KIAA1210: variants seen among roughly 807,000 people sequenced by gnomAD.
KIAA1210 encodes acrosomal protein KIAA1210.
Under a neutral mutation model 78.9 loss-of-function variants are expected in KIAA1210, and 48 were observed. The observed-to-expected ratio is 0.61, with a 90% CI of 0.48 to 0.77. KIAA1210 has a LOEUF of 0.77. Among genes scored for constraint, KIAA1210 ranks in the 30% least tolerant of loss-of-function variants. KIAA1210 has a pLI of 0.00. For synonymous variants in KIAA1210, 406 were observed against 404.5 expected, an observed-to-expected ratio of 1.00 and a Z score of -0.04; for missense variants, 1,108 against 1,100.0, an observed-to-expected ratio of 1.01 and a Z score of -0.10.
Position 119,089,034 on chromosome X carries a change from C to T in KIAA1210, c.1668G>A (p.Lys556=). 2 of 1,211,784 alleles carry T rather than the reference C, an allele frequency of 1.7e-6. No individual in the cohort carries two copies. The highest frequency in any genetic ancestry group is 2.2e-6 in the Non-Finnish European group (2 of 895,327). Residue 556 remains lysine, a synonymous_variant, in exon 9 of 12, where the codon AAG becomes AAA. Transcript: ENST00000691062. The stretch of plus-strand genomic sequence containing the variant: ...AGGTCTGGTGAACATTTCCAGAAGG[C>T]TTTTCTTTGCAGATAGTTTGAACAT... ...AQDVQTICKE[K]PSGNVHQTFT... is the part of the protein sequence containing the mutation.
intron 3 of KIAA1210, among the ~76,000 whole-genome samples, chrX:119,109,848 CATCCT>C (rs1173768519): frequency 2.7e-5 from 3 of 111,797 alleles, no homozygotes; most frequent in Admixed American, 9.5e-5. Flanking sequence ...TTTTCAAAGT[CATCCT>C]ATGTACCACC....
At chrX:119,146,742 C>T (rs1188106413) in intron 2 of KIAA1210, among the ~76,000 whole-genome samples, 1 of 111,295 alleles carries the variant, frequency 9.0e-6, no homozygotes, top group Non-Finnish European at 1.9e-5. Context: ...TACACTGGTA[C>T]CTGCCACTCC....
rs865831197 is a variant in KIAA1210 at position 119,087,728 on chromosome X, G to A, written c.2974C>T (p.Gln992Ter). ...ATQFLKRSKV[Q>*]EMTSRLEKMA... ...TTCTCTAGTCGTGAGGTCATTTCCT[G>A]AACTTTAGACCTCTTTAAGAACTGG... Residue 992 changes from glutamine to a stop codon, truncating the protein, a stop_gained, in exon 9 of 12, where the codon CAG (glutamine) becomes TAG (stop). Transcript: ENST00000691062. LOFTEE classifies it high-confidence loss of function. 1.7e-6 allele frequency: 2 copies of A among 1,211,565 alleles called. No homozygotes were observed. Among genetic ancestry groups the A allele is most frequent in the Non-Finnish European group, 2.2e-6 (2 of 895,338 alleles).
rs376855405 is a variant in KIAA1210, at chrX:119,105,131, C to T, written c.509G>A (p.Arg170Gln). Residue 170 changes from arginine (R) to glutamine (Q), a missense_variant, in exon 6 of 12, where the codon CGA becomes CAA. Transcript: ENST00000691062. ...PKITENPPSR[R>Q]RRLSIIPPVI... ...AGGTGGGATGATGCTGAGTCGGCGT[C>T]GGCGCGATGGTGGGTTCTGTCAAGA... 44 of 1,203,368 alleles carry T rather than the reference C, an allele frequency of 3.7e-5. No homozygotes were observed. Among genetic ancestry groups the T allele is most frequent in the South Asian group, 9.0e-5 (5 of 55,280 alleles).
At chrX:119,098,735 G>A (rs1927640457) in intron 6 of KIAA1210, among the ~76,000 whole-genome samples, 1 of 110,133 alleles carries the variant, frequency 9.1e-6, no homozygotes, top group Non-Finnish European at 1.9e-5. Flanking sequence ...CTCACTGTCT[G>A]ACATACAATA....
At chrX:119,111,354 C>T (rs1003517611) in intron 3 of KIAA1210, among the ~76,000 whole-genome samples, 4 of 111,673 alleles carry the variant, frequency 3.6e-5, no homozygotes, top group African/African-American at 9.8e-5. Context: ...TGGAACCAAC[C>T]CAAGTGCCTA....
intron 2 of KIAA1210, among the ~76,000 whole-genome samples, chrX:119,146,522 C>G (rs779959709): frequency 8.9e-6 from 1 of 112,225 alleles, no homozygotes; most frequent in East Asian, 2.8e-4. Context: ...AGAGACATCT[C>G]CAAAAGCTTT....
chrX:119,099,192 T>C (rs1927656781), intron 6 of KIAA1210, among the ~76,000 whole-genome samples: 1 of 112,929 alleles, frequency 8.9e-6, no homozygotes, highest in South Asian at 3.6e-4. Flanking sequence ...TTCAATTCAG[T>C]TGGCATCCCA....
At chrX:119,104,887 A>T in intron 6 of KIAA1210, 105 bp downstream of exon 6, 1 of 760,447 alleles carries the variant, frequency 1.3e-6, no homozygotes, top group Non-Finnish European at 1.9e-6. Flanking sequence ...TCCTTCCCCA[A>T]TCATCCCCCT....
At chrX:119,138,329 A>G (rs1603272674) in intron 2 of KIAA1210, among the ~76,000 whole-genome samples, 2 of 101,986 alleles carry the variant, frequency 2.0e-5, no homozygotes, top group Admixed American at 2.3e-4. Flanking sequence ...AGCAATTCTC[A>G]TGCCTCAGCT....
intron 6 of KIAA1210, among the ~76,000 whole-genome samples, 189 bp downstream of exon 6, chrX:119,104,803 T>C (rs1026600805): frequency 3.6e-5 from 4 of 111,957 alleles, no homozygotes; most frequent in African/African-American, 1.3e-4. Flanking sequence ...TGCTTATACA[T>C]TAAAATGGTG....
At position 119,104,998 on chromosome X, in the gene KIAA1210, C is replaced by T. The variant is rs764251121; in HGVS notation, c.642G>A (p.Ala214=). The change falls in exon 6 of 12, where the codon GCG becomes GCA. Residue 214 remains alanine, a synonymous_variant. Coordinates refer to ENST00000691062, the MANE Select transcript of KIAA1210 (RefSeq NM_001394962.1). ...TCCCTTAATATATACTCACCTGAGT[C>T]GCTGTCAAACTCTTATGTGGTAAAG... ...KKALPHKSLT[A]TQSFSELSSG... The T allele has an allele frequency of 1.3e-5, 16 of 1,208,170 alleles. No homozygotes were observed. The highest frequency in any genetic ancestry group is 1.5e-5 in the Non-Finnish European group (13 of 893,781).
At chrX:119,136,478 A>G (rs992205295) in intron 2 of KIAA1210, among the ~76,000 whole-genome samples, 1 of 111,576 alleles carries the variant, frequency 9.0e-6, no homozygotes, top group Non-Finnish European at 1.9e-5. Flanking sequence ...GGGAATGGGC[A>G]TAAGGAGGGG....
intron 6 of KIAA1210, among the ~76,000 whole-genome samples, chrX:119,103,187 T>C (rs1985334316): frequency 9.0e-6 from 1 of 111,709 alleles, no homozygotes; most frequent in African/African-American, 3.3e-5. Flanking sequence ...CAAAATAAAA[T>C]TTCGAAATTG....
At chrX:119,142,955 T>C (rs762932791) in intron 2 of KIAA1210, among the ~76,000 whole-genome samples, 1 of 110,922 alleles carries the variant, frequency 9.0e-6, no homozygotes, top group South Asian at 3.9e-4. Context: ...GGCTTCACCT[T>C]CAACACTGGG....
At chrX:119,125,056 C>A (rs1380446968) in intron 1 of KIAA1210, among the ~76,000 whole-genome samples, 1 of 111,623 alleles carries the variant, frequency 9.0e-6, no homozygotes, top group African/African-American at 3.3e-5. Flanking sequence ...CTAAAAGGGA[C>A]AAAGACTACA....
At chrX:119,128,767 C>A (rs779851101), upstream of KIAA1210, among the ~76,000 whole-genome samples, 296 of 111,353 alleles carry the variant, frequency 2.7e-3, 2 homozygotes, top group Middle Eastern at 9.2e-3. Flanking sequence ...CCTCCGCCAC[C>A]CGGGTTCAAG....
intron 2 of KIAA1210, 99 bp downstream of exon 2, chrX:119,123,483 G>T (rs994723022): frequency 2.0e-5 from 12 of 609,682 alleles, no homozygotes; most frequent in Non-Finnish European, 2.8e-5. Flanking sequence ...CTAATGATCT[G>T]AACTTGTTTT....
upstream of KIAA1210, among the ~76,000 whole-genome samples, chrX:119,128,892 C>G (rs753170259): frequency 9.0e-6 from 1 of 111,552 alleles, no homozygotes; most frequent in African/African-American, 3.3e-5. Context: ...TCAGGCTGGT[C>G]TCAAACTCCC....
Sources: gnomAD v4.1 joint callset for allele counts (sites outside exome capture counted in the v4.1 genomes callset) on GRCh38, gnomAD v4.1.1 for gene constraint, MANE v1.5 for transcripts, NCBI Gene and HGNC (gene_info 2026-07-23, HGNC 2026-07-21) for gene names.